Variants in RALYL observed in about 807,000 individuals in gnomAD.
RALYL encodes the protein RALY RNA binding protein like.
RALYL carries 29 observed loss-of-function variants against 35.1 expected under a neutral mutation model. That is an observed-to-expected ratio of 0.83 (90% CI 0.61 to 1.13). RALYL has a LOEUF of 1.13. Among genes scored for constraint, RALYL ranks in the 50% most tolerant of loss-of-function variants. RALYL has a pLI of 0.00. For synonymous variants in RALYL, 120 were observed against 127.6 expected, an observed-to-expected ratio of 0.94 and a Z score of 0.40; for missense variants, 359 against 360.4, an observed-to-expected ratio of 1.00 and a Z score of 0.03.
chr8:84,675,181 T>TA (rs1564352642), intron 2 of RALYL, among the ~76,000 whole-genome samples: 1 of 152,174 alleles, frequency 6.6e-6, no homozygotes, highest in Non-Finnish European at 1.5e-5. Context: ...AATAAATATT[T>TA]AAGTTGAATA....
At chr8:84,716,553 C>A (rs1055286291) in intron 2 of RALYL, among the ~76,000 whole-genome samples, 1 of 152,100 alleles carries the variant, frequency 6.6e-6, no homozygotes, top group African/African-American at 2.4e-5. Flanking sequence ...GAACTGTCCT[C>A]CAGAGCTATT....
intron 1 of RALYL, among the ~76,000 whole-genome samples, chr8:84,342,941 C>T (rs1849134173): frequency 6.6e-6 from 1 of 151,992 alleles, no homozygotes; most frequent in African/African-American, 2.4e-5. Context: ...GCCAATCTTT[C>T]CTATTTTTAA....
intron 2 of RALYL, among the ~76,000 whole-genome samples, chr8:84,534,418 T>C (rs1404314522): frequency 6.6e-6 from 1 of 152,260 alleles, no homozygotes; most frequent in Non-Finnish European, 1.5e-5. Flanking sequence ...GCAAGTATCT[T>C]CTTTTCAATT....
At chr8:84,774,764 G>T in intron 3 of RALYL, 110 bp downstream of exon 3, 2 of 699,294 alleles carry the variant, frequency 2.9e-6, no homozygotes, top group South Asian at 1.8e-5. Context: ...AATCCTTATT[G>T]GAATAAAGTA....
intron 2 of RALYL, among the ~76,000 whole-genome samples, chr8:84,705,175 G>A (rs1840971007): frequency 6.6e-6 from 1 of 152,206 alleles, no homozygotes; most frequent in African/African-American, 2.4e-5. Flanking sequence ...GAAAAGGACA[G>A]TACAAGCTAT....
At chr8:84,475,404 G>A (rs1216211039) in intron 1 of RALYL, among the ~76,000 whole-genome samples, 2 of 151,696 alleles carry the variant, frequency 1.3e-5, no homozygotes, top group Admixed American at 1.3e-4. Flanking sequence ...TAATTTATTG[G>A]AGACAGGTTT....
At chr8:84,722,050 AT>A (rs1455352649) in intron 2 of RALYL, among the ~76,000 whole-genome samples, 1 of 152,138 alleles carries the variant, frequency 6.6e-6, no homozygotes, top group Non-Finnish European at 1.5e-5. Flanking sequence ...TCAATAATGA[AT>A]GCCACACATT....
chr8:84,729,617 T>C (rs4419806), intron 2 of RALYL, among the ~76,000 whole-genome samples: 133,079 of 151,996 alleles, frequency 0.88, 58,725 homozygotes, highest in African/African-American at 0.97. Flanking sequence ...AAAGGATCAA[T>C]GAAATTGTTA....
At chr8:84,479,200 A>T (rs1031864789) in intron 1 of RALYL, among the ~76,000 whole-genome samples, 1 of 150,708 alleles carries the variant, frequency 6.6e-6, no homozygotes, top group Admixed American at 6.6e-5. Flanking sequence ...CCTTTTATTA[A>T]ACTTTCCTAA....
chr8:84,835,167 GA>G (rs1831696957), intron 4 of RALYL, among the ~76,000 whole-genome samples: 1 of 152,138 alleles, frequency 6.6e-6, no homozygotes, highest in African/African-American at 2.4e-5. Context: ...TAATGGAAGG[GA>G]AAGACTGGCT....
At chr8:84,500,679 C>T (rs1435173329) in intron 1 of RALYL, among the ~76,000 whole-genome samples, 1 of 151,988 alleles carries the variant, frequency 6.6e-6, no homozygotes, top group African/African-American at 2.4e-5. Context: ...AAATTAATTG[C>T]TTTTCATGAA....
chr8:84,398,917 T>C (rs965467426), intron 1 of RALYL, among the ~76,000 whole-genome samples: 6 of 148,932 alleles, frequency 4.0e-5, no homozygotes, highest in South Asian at 2.1e-4. Context: ...GAGGTGGCAG[T>C]GAGCCAAGAT....
intron 2 of RALYL, among the ~76,000 whole-genome samples, chr8:84,668,235 T>G (rs1186363002): frequency 1.3e-5 from 2 of 152,186 alleles, no homozygotes; most frequent in African/African-American, 2.4e-5. Context: ...TAAAACCTTA[T>G]TTCACGTTGT....
At chr8:84,574,842 G>T (rs1242909439) in intron 2 of RALYL, among the ~76,000 whole-genome samples, 1 of 151,950 alleles carries the variant, frequency 6.6e-6, no homozygotes, top group East Asian at 1.9e-4. Context: ...TAAATATTTG[G>T]TTATATCTCC....
At chr8:84,729,371 T>G (rs1400584220) in intron 2 of RALYL, among the ~76,000 whole-genome samples, 1 of 152,014 alleles carries the variant, frequency 6.6e-6, no homozygotes, top group Admixed American at 6.6e-5. Context: ...AAGGAGATTT[T>G]GGGCTCAAAG....
rs141794459 is a variant in RALYL at position 84,850,044 on chromosome 8, T to A, written c.413+17T>A. The A allele has an allele frequency of 1.2e-4, 170 of 1,392,088 alleles. No individual in the cohort carries two copies. Among genetic ancestry groups the A allele is most frequent in the Non-Finnish European group, 1.6e-4 (161 of 1,036,510 alleles). 86.2% of individuals were successfully genotyped at this position (1,392,088 alleles called of 1,614,324 possible). On this transcript the variant is annotated intron_variant, in intron 5 of 8. Transcript: ENST00000521268. ...CTACAATCGGTATGTGAATTTTTCA[T>A]CCTTGTTTTCCTATGACTTAAATTA...
chr8:84,781,060 AC>A (rs1344366532), intron 3 of RALYL, among the ~76,000 whole-genome samples: 2 of 151,910 alleles, frequency 1.3e-5, no homozygotes, highest in Non-Finnish European at 2.9e-5. Context: ...ACAGGATTTC[AC>A]CATGTTGCCC....
At chr8:84,449,078 G>GTTTTTTTT (rs1554671924) in intron 1 of RALYL, among the ~76,000 whole-genome samples, 21 of 124,220 alleles carry the variant, frequency 1.7e-4, no homozygotes, top group Non-Finnish European at 1.2e-4. Flanking sequence ...TAGTTTTTTT[G>GTTTTTTTT]TTTTTTTTTT....
chr8:84,855,247 A>G (rs1836734082), intron 5 of RALYL, among the ~76,000 whole-genome samples: 1 of 152,206 alleles, frequency 6.6e-6, no homozygotes, highest in South Asian at 2.1e-4. Flanking sequence ...TGTGGTTTTC[A>G]GAGTTCCAAA....
Sources: gnomAD v4.1 joint callset for allele counts (sites outside exome capture counted in the v4.1 genomes callset) on GRCh38, gnomAD v4.1.1 for gene constraint, MANE v1.5 for transcripts, NCBI Gene and HGNC (gene_info 2026-07-23, HGNC 2026-07-21) for gene names.